Variants in PIEZO2 observed in about 807,000 individuals in gnomAD.
The protein encoded by PIEZO2 is piezo-type mechanosensitive ion channel component 2.
Under a neutral mutation model 337.3 loss-of-function variants are expected in PIEZO2, and 172 were observed. That is an observed-to-expected ratio of 0.51 (90% CI 0.45 to 0.58). The LOEUF is 0.58. Among genes scored for constraint, PIEZO2 ranks in the 20% least tolerant of loss-of-function variants. The pLI, the probability that PIEZO2 is intolerant of heterozygous loss-of-function variation, is 0.00. For synonymous variants in PIEZO2, 1,251 were observed against 1,228.5 expected (o/e 1.02, Z -0.38); for missense variants, 3,028 against 3,391.3 (o/e 0.89, Z 2.66).
intron 1 of PIEZO2, among the ~76,000 whole-genome samples, chr18:11,098,645 T>C (rs887076446): frequency 6.6e-6 from 1 of 151,602 alleles, no homozygotes; most frequent in African/African-American, 2.4e-5. Flanking sequence ...CTCCCCGCCA[T>C]GAAGGCATTC....
intron 1 of PIEZO2, among the ~76,000 whole-genome samples, chr18:11,113,669 C>G (rs1213264599): frequency 6.6e-6 from 1 of 152,212 alleles, no homozygotes; most frequent in Non-Finnish European, 1.5e-5. Context: ...ATTCTCCTTA[C>G]CTGAGTCTGA....
intron 4 of PIEZO2, among the ~76,000 whole-genome samples, chr18:10,874,317 T>G (rs1384224639): frequency 2.0e-5 from 3 of 151,194 alleles, no homozygotes; most frequent in Non-Finnish European, 4.4e-5. Flanking sequence ...CAAAAAAAAA[T>G]GCTGACAAGG....
chr18:11,148,872 T>C lies in PIEZO2; in HGVS notation c.-284A>G, dbSNP rs1290432632. The C allele has an allele frequency of 5.3e-6, 2 of 376,540 alleles. No individual in the cohort carries two copies. Among genetic ancestry groups the C allele is most frequent in the African/African-American group, 2.1e-5 (1 of 46,816 alleles). 23.3% of individuals were successfully genotyped at this position (376,540 alleles called of 1,614,324 possible). On this transcript the variant is annotated 5_prime_UTR_variant, in exon 1 of 56. Coordinates refer to ENST00000674853, the MANE Select transcript of PIEZO2 (RefSeq NM_001378183.1). The surrounding 1 kb of genome is among the most constrained non-coding windows in gnomAD (Gnocchi z 5.2). The stretch of plus-strand genomic sequence containing the variant: ...CGGCCGGCCCATTTAGTGTGAATCC[T>C]GGATCCGGCAGCGGCGGCGGCTTCT...
At chr18:10,811,656 G>A (rs1225026028) in intron 7 of PIEZO2, among the ~76,000 whole-genome samples, 1 of 152,026 alleles carries the variant, frequency 6.6e-6, no homozygotes, top group African/African-American at 2.4e-5. Context: ...AGAATAAGAG[G>A]GTAACAAAGG....
At chr18:10,789,399 T>C (rs749310326) in intron 14 of PIEZO2, 34 bp from the exon 15 acceptor site, 10 of 1,515,290 alleles carry the variant, frequency 6.6e-6, no homozygotes. Context: ...TATACTTAGC[T>C]GGTTATCTGT....
intron 3 of PIEZO2, among the ~76,000 whole-genome samples, chr18:10,926,599 T>G (rs1325676893): frequency 1.3e-5 from 2 of 152,186 alleles, no homozygotes; most frequent in Non-Finnish European, 2.9e-5. Flanking sequence ...ATTGAGCATT[T>G]TTTCCTTTTA....
chr18:10,684,229 G>T (rs1238242141), intron 49 of PIEZO2, among the ~76,000 whole-genome samples: 1 of 110,520 alleles, frequency 9.0e-6, no homozygotes, highest in African/African-American at 3.5e-5. Flanking sequence ...GCAGTGGCGC[G>T]ATCTTGGCTC....
In PIEZO2 at chr18:10,952,935, A is replaced by G; in HGVS notation, c.286+26600T>C. ...CCCTCCTTCCTTCCTTCTTTTTTTC[A>G]TTCTAAGAAGTATATAGTAGTCATC... On this transcript the variant is annotated intron_variant, in intron 3 of 55. Transcript: ENST00000674853. The surrounding 1 kb of genome is among the most constrained non-coding windows in gnomAD (Gnocchi z 4.1). Among the ~76,000 whole-genome samples the G allele has an allele frequency of 7.4e-6, 1 of 135,034 alleles. No homozygotes were observed. Among genetic ancestry groups the G allele is most frequent in the East Asian group, 2.2e-4 (1 of 4,626 alleles). 88.6% of individuals were successfully genotyped at this position (135,034 alleles called of 152,430 possible).
intron 2 of PIEZO2, among the ~76,000 whole-genome samples, chr18:11,050,584 T>A (rs1165214726): frequency 1.3e-5 from 2 of 151,906 alleles, no homozygotes; most frequent in African/African-American, 4.8e-5. Flanking sequence ...TAGCACAACT[T>A]CCTTTTAAAG....
rs376106831 is a variant in PIEZO2, at chr18:11,035,335, TTCTC to T, written c.160+30788_160+30791del. ...TCTCCCTCTCTCTCTCTCTCTCTCTTTCTCTCTCTCTCATTCCCTCTCTCACCAT... is the reference window on the plus strand; with the variant it reads ...TCTCCCTCTCTCTCTCTCTCTCTCTTTCTCTCTCATTCCCTCTCTCACCAT... On this transcript the variant is annotated intron_variant, in intron 2 of 55. Coordinates refer to ENST00000674853, the MANE Select transcript of PIEZO2 (RefSeq NM_001378183.1). This position sits in a 1 kb window ranked among gnomAD's most constrained non-coding sequence, Gnocchi z 4.3. Among the ~76,000 whole-genome samples the T allele has an allele frequency of 2.3e-5, 3 of 130,690 alleles. No individual in the cohort carries two copies. Among genetic ancestry groups the T allele is most frequent in the African/African-American group, 9.3e-5 (3 of 32,370 alleles). 85.7% of individuals were successfully genotyped at this position (130,690 alleles called of 152,430 possible).
rs2040723398 is a variant in PIEZO2 at position 11,143,629 on chromosome 18, A to ACTCTCTCTCTCT, written c.64+4895_64+4896insAGAGAGAGAGAG. Among the ~76,000 whole-genome samples the ACTCTCTCTCTCT allele has an allele frequency of 1.1e-5, 1 of 87,074 alleles. No homozygotes were observed. Among genetic ancestry groups the ACTCTCTCTCTCT allele is most frequent in the African/African-American group, 6.6e-5 (1 of 15,224 alleles). 57.1% of individuals were successfully genotyped at this position (87,074 alleles called of 152,430 possible). A position where few individuals can be genotyped will look rare whatever the true frequency, so the allele number is the denominator to read the frequency against. On this transcript the variant is annotated intron_variant, in intron 1 of 55. Transcript: ENST00000674853. The surrounding 1 kb of genome is among the most constrained non-coding windows in gnomAD (Gnocchi z 4.9). ...CACACACACACACACACACACACACACACACACACACTCTCTCTCTCTCTC... is the reference window on the plus strand; with the variant it reads ...CACACACACACACACACACACACACACTCTCTCTCTCTCACACACACACTCTCTCTCTCTCTC...
At chr18:11,140,893 C>T (rs1025642601) in intron 1 of PIEZO2, among the ~76,000 whole-genome samples, 1 of 152,226 alleles carries the variant, frequency 6.6e-6, no homozygotes, top group Non-Finnish European at 1.5e-5. Flanking sequence ...TGGCTGTACC[C>T]GTAGAGGGTG....
Position 10,677,797 on chromosome 18 carries a change from A to G in PIEZO2, c.8031T>C (p.Asn2677=). The G allele has an allele frequency of 6.2e-7, 1 of 1,610,974 alleles. No homozygotes were observed. The highest frequency in any genetic ancestry group is 1.7e-4 in the Middle Eastern group (1 of 6,046). ...TGTTGCCTGCTATCATTTTAGCGAT[A>G]TTCTTTCGAGTAATATTTTTAAGAG... The part of the protein sequence containing the change: ...SFPLKNITRK[N]IAKMIAGNST... Residue 2677 remains asparagine, a synonymous_variant, in exon 53 of 56, where the codon AAT becomes AAC. Transcript: ENST00000674853. The surrounding 1 kb of genome is among the most constrained non-coding windows in gnomAD (Gnocchi z 4.1).
At chr18:11,119,835 C>A (rs1029768559) in intron 1 of PIEZO2, among the ~76,000 whole-genome samples, 2 of 152,148 alleles carry the variant, frequency 1.3e-5, no homozygotes, top group Non-Finnish European at 2.9e-5. Context: ...CTATTAGTCT[C>A]AGAGTTTCGA....
chr18:10,810,159 G>A (rs2040143689), intron 7 of PIEZO2, among the ~76,000 whole-genome samples: 1 of 152,080 alleles, frequency 6.6e-6, no homozygotes, highest in Non-Finnish European at 1.5e-5. Context: ...TTGATGGGTG[G>A]GGTGAGGACG....
In PIEZO2 at chr18:11,131,055, T is replaced by A. The variant is rs1301576140; in HGVS notation, c.64+17470A>T. 6.6e-6 allele frequency among the ~76,000 whole-genome samples: 1 copy of A among 152,144 alleles called. No homozygotes were observed. The highest frequency in any genetic ancestry group is 1.5e-5 in the Non-Finnish European group (1 of 68,016). Reference sequence around the variant, plus strand: ...GAATCACAGCAAAGGCCTCTAGGATTTTGGAGCAAGGCCCTGCCACCTTCT... The same window carrying A: ...GAATCACAGCAAAGGCCTCTAGGATATTGGAGCAAGGCCCTGCCACCTTCT... On this transcript the variant is annotated intron_variant, in intron 1 of 55. Transcript: ENST00000674853. The surrounding 1 kb of genome is among the most constrained non-coding windows in gnomAD (Gnocchi z 5.3).
At position 10,846,627 on chromosome 18, in the gene PIEZO2, T is replaced by C. The variant is rs1453469525; in HGVS notation, c.917+8726A>G. On this transcript the variant is annotated intron_variant, in intron 7 of 55. Transcript: ENST00000674853. This position sits in a 1 kb window ranked among gnomAD's most constrained non-coding sequence, Gnocchi z 4.1. ...ACTGGGTCCTAGTGAGTCAGACATA[T>C]GCATGAAGGGATTATTATGGCCCAA... is the stretch of plus-strand genomic sequence containing the variant. Among the ~76,000 whole-genome samples the C allele has an allele frequency of 1.3e-5, 2 of 152,108 alleles. No individual in the cohort carries two copies. Among genetic ancestry groups the C allele is most frequent in the East Asian group, 3.9e-4 (2 of 5,192 alleles).
At chr18:10,893,559 C>T (rs2042813813) in intron 4 of PIEZO2, 1 of 152,198 alleles carries the variant, frequency 6.6e-6, no homozygotes, top group African/African-American at 2.4e-5. Context: ...AAATGCTGTC[C>T]ATATGAACAG....
At chr18:10,811,341 T>G (rs2040183314) in intron 7 of PIEZO2, among the ~76,000 whole-genome samples, 2 of 152,202 alleles carry the variant, frequency 1.3e-5, no homozygotes, top group African/African-American at 4.8e-5. Flanking sequence ...CTGCCCATTT[T>G]TATTCTAACG....
Sources: allele counts gnomAD v4.1 joint callset (sites outside exome capture counted in the v4.1 genomes callset), GRCh38; gene constraint gnomAD v4.1.1; non-coding constraint Gnocchi (gnomAD v3.1); transcripts MANE v1.5; gene names NCBI Gene and HGNC (gene_info 2026-07-23, HGNC 2026-07-21).